Variants in SLC7A3 observed in about 807,000 individuals in gnomAD.
The protein encoded by SLC7A3 is solute carrier family 7 member 3.
Under a neutral mutation model 33.2 loss-of-function variants are expected in SLC7A3, and 3 were observed. The observed-to-expected ratio is 0.09, with a 90% CI of 0.04 to 0.23. SLC7A3 has a LOEUF of 0.23. Among genes scored for constraint, SLC7A3 ranks in the 10% least tolerant of loss-of-function variants. The pLI, the probability that SLC7A3 is intolerant of heterozygous loss-of-function variation, is 1.00. For missense variants in SLC7A3, 360 were observed against 488.8 expected (o/e 0.74, Z 2.48); for synonymous variants, 193 against 195.1 (o/e 0.99, Z 0.09).
In SLC7A3 at chrX:70,931,050, G is replaced by A. The variant is rs1313581808; in HGVS notation, c.-99C>T. On this transcript the variant is annotated 5_prime_UTR_variant, in exon 1 of 12. Coordinates refer to ENST00000374299, the MANE Select transcript of SLC7A3 (RefSeq NM_032803.6). ...GGTGAGGCGGAGTTAAGCCGAGTTG[G>A]GTTGGAGCTGCCGAGTTCGGCCGCT... 1 of 111,439 alleles carries A rather than the reference G, an allele frequency of 9.0e-6. No individual in the cohort carries two copies. Among genetic ancestry groups the A allele is most frequent in the Non-Finnish European group, 1.9e-5 (1 of 53,045 alleles). 9.2% of individuals were successfully genotyped at this position (111,439 alleles called of 1,213,427 possible). A position where few individuals can be genotyped will look rare whatever the true frequency, so the allele number is the denominator to read the frequency against.
At position 70,929,954 on chromosome X, in the gene SLC7A3, C is replaced by A. The variant is rs201520823; in HGVS notation, c.44G>T (p.Arg15Leu). ...AFRRFGQKLV[R>L]RRTLESGMAE... Reference sequence around the variant, plus strand: ...CATGCCTGACTCCAGTGTACGTCTGCGTACCAGCTTTTGACCAAATCTGCG... The same window carrying A: ...CATGCCTGACTCCAGTGTACGTCTGAGTACCAGCTTTTGACCAAATCTGCG... Residue 15 changes from arginine (R) to leucine (L), a missense_variant, in exon 2 of 12, where the codon CGC becomes CTC. By Grantham distance (102) the Arg-to-Leu change is moderately radical. Transcript: ENST00000374299. The A allele has an allele frequency of 8.3e-7, 1 of 1,204,754 alleles. No homozygotes were observed. Among genetic ancestry groups the A allele is most frequent in the Non-Finnish European group, 1.1e-6 (1 of 891,397 alleles).
chrX:70,926,103 T>A lies in SLC7A3; in HGVS notation c.1696A>T (p.Thr566Ser). Reference protein sequence around the residue: ...IYLMMQMTAGTWARFGVWMLI... With the variant: ...IYLMMQMTAGSWARFGVWMLI... ...ATCCAGACCCCAAATCGGGCCCAGG[T>A]ACCAGCTGTCATCTGCATCATAAGG... Residue 566 changes from threonine to serine, a missense_variant, in exon 11 of 12, where the codon ACC (threonine) becomes TCC (serine). By Grantham distance (58) the Thr-to-Ser change is moderately conservative. Transcript: ENST00000374299. 1 of 1,211,284 alleles carries A rather than the reference T, an allele frequency of 8.3e-7. No homozygotes were observed. Among genetic ancestry groups the A allele is most frequent in the Non-Finnish European group, 1.1e-6 (1 of 895,240 alleles).
At chrX:70,929,528 A>T in intron 2 of SLC7A3, 100 bp downstream of exon 2, 1 of 980,766 alleles carries the variant, frequency 1.0e-6, no homozygotes, top group Non-Finnish European at 1.3e-6. Flanking sequence ...AGGGAGATTG[A>T]GGTCCTGTGA....
In SLC7A3 at chrX:70,927,599, C is replaced by G. The variant is rs762322181; in HGVS notation, c.1068G>C (p.Met356Ile). Residue 356 changes from methionine (M) to isoleucine (I), a missense_variant, in exon 7 of 12, where the codon ATG becomes ATC. Met to Ile is a conservative substitution (Grantham distance 10, BLOSUM62 1). Coordinates refer to ENST00000374299, the MANE Select transcript of SLC7A3 (RefSeq NM_032803.6). The part of the protein sequence containing the change: ...STSLLGSMFP[M>I]PRVIYAMAED... Reference sequence around the variant, plus strand: ...CTGCCATCGCGTAGATCACCCGAGGCATGGGGAACATGGAGCCCAGGAGGC... The same window carrying G: ...CTGCCATCGCGTAGATCACCCGAGGGATGGGGAACATGGAGCCCAGGAGGC... The G allele has an allele frequency of 8.3e-7, 1 of 1,209,654 alleles. No homozygotes were observed. The highest frequency in any genetic ancestry group is 2.2e-5 in the Admixed American group (1 of 45,853).
chrX:70,930,252 G>A (rs982082007), intron 1 of SLC7A3, among the ~76,000 whole-genome samples: 1 of 112,029 alleles, frequency 8.9e-6, no homozygotes, highest in Non-Finnish European at 1.9e-5. Flanking sequence ...GAAATGGCAC[G>A]TGAAAGCCCC....
At chrX:70,927,709 C>T (rs2091900148) in intron 6 of SLC7A3, 86 bp from the exon 7 acceptor site, 3 of 1,157,990 alleles carry the variant, frequency 2.6e-6, no homozygotes, top group Non-Finnish European at 3.5e-6. Flanking sequence ...CCACTTTCCC[C>T]TCACAGCCCT....
intron 1 of SLC7A3, among the ~76,000 whole-genome samples, chrX:70,930,483 AG>A (rs1314806153): frequency 1.8e-5 from 2 of 111,237 alleles, no homozygotes; most frequent in Admixed American, 1.9e-4. Flanking sequence ...CCAGAGGGAG[AG>A]GGGACCAACC....
At chrX:70,927,423 G>A in intron 7 of SLC7A3, 39 bp from the exon 8 acceptor site, 1 of 1,208,468 alleles carries the variant, frequency 8.3e-7, no homozygotes, top group Non-Finnish European at 1.1e-6. Flanking sequence ...TGAGAGAAGG[G>A]AGTGGCAAAG....
At chrX:70,930,400 T>C (rs1308607103) in intron 1 of SLC7A3, among the ~76,000 whole-genome samples, 1 of 111,473 alleles carries the variant, frequency 9.0e-6, no homozygotes, top group African/African-American at 3.3e-5. Flanking sequence ...GGCCTGTGGC[T>C]ATTTGGGAAT....
Position 70,927,870 on chromosome X carries a change from G to GTAGAGC in SLC7A3, c.970_971insGCTCTA (p.Ala324delinsGlySerThr). 8.3e-7 allele frequency: 1 copy of GTAGAGC among 1,203,226 alleles called. No individual in the cohort carries two copies. Among genetic ancestry groups the GTAGAGC allele is most frequent in the Non-Finnish European group, 1.1e-6 (1 of 891,048 alleles). Reference sequence around the variant, plus strand: ...AGGAGCCCATCCAATGTAGAGAAATGCCTCAGGCAAAGGGCTCTCAGGCTG... The same window carrying GTAGAGC: ...AGGAGCCCATCCAATGTAGAGAAATGTAGAGCCCTCAGGCAAAGGGCTCTCAGGCTG... On this transcript the variant is annotated protein_altering_variant, in exon 6 of 12. Coordinates refer to ENST00000374299, the MANE Select transcript of SLC7A3 (RefSeq NM_032803.6).
intron 10 of SLC7A3, 65 bp downstream of exon 10, chrX:70,926,462 T>C: frequency 9.2e-7 from 1 of 1,088,305 alleles, no homozygotes; most frequent in Non-Finnish European, 1.2e-6. Context: ...TTATTAGACC[T>C]CAAGATATCT....
At chrX:70,927,166 G>A in intron 8 of SLC7A3, 116 bp downstream of exon 8, 1 of 1,068,587 alleles carries the variant, frequency 9.4e-7, no homozygotes, top group African/African-American at 1.8e-5. Flanking sequence ...GAGATACCCA[G>A]ATTCCTCAAA....
At chrX:70,929,372 T>A (rs1215519516) in intron 2 of SLC7A3, among the ~76,000 whole-genome samples, 1 of 111,803 alleles carries the variant, frequency 8.9e-6, no homozygotes, top group Non-Finnish European at 1.9e-5. Flanking sequence ...ATTATAGGCG[T>A]GAGCCACTGC....
chrX:70,929,272 G>A (rs777952075), intron 2 of SLC7A3, among the ~76,000 whole-genome samples: 4 of 111,590 alleles, frequency 3.6e-5, no homozygotes, highest in Non-Finnish European at 5.6e-5. Context: ...TGTATTTTTA[G>A]TAGAGACAGG....
In SLC7A3 at chrX:70,926,523, T is replaced by C. The variant is rs1208523297; in HGVS notation, c.1620+4A>G. The C allele has an allele frequency of 8.4e-7, 1 of 1,192,117 alleles. No homozygotes were observed. The highest frequency in any genetic ancestry group is 1.1e-6 in the Non-Finnish European group (1 of 886,537). ...GGCAAGGAAAAAAGACAGAGTTCATTTACCTTAAAGTGAAGGGGAGTGGAA... is the reference window on the plus strand; with the variant it reads ...GGCAAGGAAAAAAGACAGAGTTCATCTACCTTAAAGTGAAGGGGAGTGGAA... On this transcript the variant is annotated splice_donor_region_variant and intron_variant, in intron 10 of 11. Coordinates refer to ENST00000374299, the MANE Select transcript of SLC7A3 (RefSeq NM_032803.6).
At chrX:70,929,114 C>T in intron 2 of SLC7A3, 112 bp from the exon 3 acceptor site, 2 of 779,431 alleles carry the variant, frequency 2.6e-6, no homozygotes, top group Middle Eastern at 3.1e-4. Context: ...GTTTTGAGAC[C>T]AAGTCTCACT....
At position 70,928,476 on chromosome X, in the gene SLC7A3, A is replaced by C; in HGVS notation, c.687T>G (p.Ala229=). The C allele has an allele frequency of 8.3e-7, 1 of 1,203,745 alleles. No homozygotes were observed. Residue 229 remains alanine (A), a synonymous_variant, in exon 4 of 12, where the codon GCT becomes GCG. Transcript: ENST00000374299. Reference sequence around the variant, plus strand: ...CTAACCTATAGGTGTCATTGAGTTCAGCCATGGCCAATTCGTAGTCCTCTT... The same window carrying C: ...CTAACCTATAGGTGTCATTGAGTTCCGCCATGGCCAATTCGTAGTCCTCTT... ...LTEEDYELAM[A]ELNDTYSLGP...
chrX:70,927,640 C>T lies in SLC7A3; in HGVS notation c.1044-17G>A, dbSNP rs1238543655. 2.5e-6 allele frequency: 3 copies of T among 1,205,511 alleles called. No homozygotes were observed. Among genetic ancestry groups the T allele is most frequent in the Non-Finnish European group, 3.4e-6 (3 of 892,532 alleles). ...CCCAGGAGGCTGGAGAGGAGAATGC[C>T]CAGGGTGGCATGAGTTGACTGGGAT... On this transcript the variant is annotated splice_polypyrimidine_tract_variant and intron_variant, in intron 6 of 11. Transcript: ENST00000374299.
chrX:70,930,112 G>A (rs773065081), intron 1 of SLC7A3, 90 bp from the exon 2 acceptor site: 2 of 919,093 alleles, frequency 2.2e-6, no homozygotes, highest in Admixed American at 3.2e-5. Context: ...ACCAAGCAAA[G>A]GAGCTATTGG....
Sources: gnomAD v4.1 joint callset for allele counts (sites outside exome capture counted in the v4.1 genomes callset) on GRCh38, gnomAD v4.1.1 for gene constraint, MANE v1.5 for transcripts, NCBI Gene and HGNC (gene_info 2026-07-23, HGNC 2026-07-21) for gene names.